C6orf89: variants seen among roughly 807,000 people sequenced by gnomAD.
C6orf89 encodes chromosome 6 open reading frame 89.
C6orf89 carries 29 observed loss-of-function variants against 40.7 expected under a neutral mutation model. The ratio of observed to expected loss-of-function variants is 0.71; its 90% confidence interval spans 0.53 to 0.97. The LOEUF is 0.97. C6orf89 is among the 50% of genes least tolerant of loss of function. The probability of loss-of-function intolerance (pLI) is 0.00; values close to 1 mark genes in which losing one functional copy is unlikely to be tolerated. For missense variants in C6orf89, 392 were observed against 429.1 expected, an observed-to-expected ratio of 0.91 and a Z score of 0.76; for synonymous variants, 165 against 152.2, an observed-to-expected ratio of 1.08 and a Z score of -0.62.
chr6:36,914,874 C>T (rs188252377), intron 6 of C6orf89, among the ~76,000 whole-genome samples, 181 bp downstream of exon 6: 3 of 152,326 alleles, frequency 2.0e-5, no homozygotes, highest in African/African-American at 7.2e-5. Context: ...CCTGTAATCC[C>T]AGCTACTCTG....
chr6:36,900,892 G>A (rs1248281643), intron 3 of C6orf89, among the ~76,000 whole-genome samples: 1 of 151,764 alleles, frequency 6.6e-6, no homozygotes, highest in Non-Finnish European at 1.5e-5. Context: ...TGTTGCCCAG[G>A]CTGGAGTGCA....
intron 4 of C6orf89, among the ~76,000 whole-genome samples, chr6:36,911,971 A>G (rs1762144629): frequency 1.5e-5 from 2 of 133,814 alleles, no homozygotes; most frequent in South Asian, 2.6e-4. Flanking sequence ...GGGCAAAACC[A>G]AAATATAACC....
Position 36,916,564 on chromosome 6 carries a change from T to G in C6orf89, c.815T>G (p.Val272Gly). 1 of 1,614,148 alleles carries G rather than the reference T, an allele frequency of 6.2e-7. No homozygotes were observed. The highest frequency in any genetic ancestry group is 1.7e-5 in the Admixed American group (1 of 60,022). The change falls in exon 7 of 9, where the codon GTG becomes GGG. Residue 272 changes from valine to glycine, a missense_variant. Transcript: ENST00000480824. ...TCCTTTCTTCACCCAGAACCTGTTG[T>G]GGGGAGTAAGGTAGGAAATTTTGAG... ...KCSFLHPEPV[V>G]GSKMHKMPDL...
chr6:36,917,122 A>G (rs1762351134), intron 7 of C6orf89, among the ~76,000 whole-genome samples: 1 of 152,224 alleles, frequency 6.6e-6, no homozygotes, highest in African/African-American at 2.4e-5. Flanking sequence ...CATTTTGTGG[A>G]TAAGGAAACT....
chr6:36,906,553 T>A (rs1761933349), intron 4 of C6orf89, among the ~76,000 whole-genome samples: 1 of 152,232 alleles, frequency 6.6e-6, no homozygotes, highest in African/African-American at 2.4e-5. Flanking sequence ...GAAACAAATT[T>A]TTGTACAAGT....
At chr6:36,903,438 A>G (rs548490316) in intron 4 of C6orf89, among the ~76,000 whole-genome samples, 28 of 152,250 alleles carry the variant, frequency 1.8e-4, no homozygotes, top group African/African-American at 6.3e-4. Context: ...GAAAAAATGT[A>G]TTTAAGCTTT....
Position 36,920,565 on chromosome 6 carries a change from G to C in C6orf89, c.949+864G>C, listed in dbSNP as rs146210396. On this transcript the variant is annotated intron_variant, in intron 8 of 8. Transcript: ENST00000480824. ...CCTAGAAACCTTGCATCTCATATGA[G>C]GGTAGGAATTGGACTGCAAGCTATG... 9.0e-3 allele frequency among the ~76,000 whole-genome samples: 1,376 copies of C among 152,240 alleles called. 23 individuals are homozygous for C. The highest frequency in any genetic ancestry group is 0.029 in the African/African-American group (1,202 of 41,512).
In C6orf89 at chr6:36,904,198, G is replaced by A. The variant is rs117676181; in HGVS notation, c.403+1764G>A. Among the ~76,000 whole-genome samples the A allele has an allele frequency of 6.8e-4, 104 of 152,338 alleles. 3 individuals are homozygous for A. The East Asian group carries it at 0.018, about 26-fold the overall frequency. ...ATAAAGTAAATCTCCATACACGGTT[G>A]AACTGAGAAATGGGGCATCGTCAAT... On this transcript the variant is annotated intron_variant, in intron 4 of 8. Transcript: ENST00000480824.
At chr6:36,887,550 T>C (rs888530664) in intron 1 of C6orf89, among the ~76,000 whole-genome samples, 4 of 152,300 alleles carry the variant, frequency 2.6e-5, no homozygotes, top group East Asian at 3.9e-4. Flanking sequence ...AGTTCACTTA[T>C]TGGACAAAGC....
rs1311052299 is a variant in C6orf89 at position 36,927,403 on chromosome 6, A to C, written c.*3962A>C. The C allele has an allele frequency of 6.6e-6, 1 of 152,258 alleles. No homozygotes were observed. The highest frequency in any genetic ancestry group is 1.5e-5 in the Non-Finnish European group (1 of 68,046). 9.4% of individuals were successfully genotyped at this position (152,258 alleles called of 1,614,324 possible). A position where few individuals can be genotyped will look rare whatever the true frequency, so the allele number is the denominator to read the frequency against. On this transcript the variant is annotated 3_prime_UTR_variant, in exon 9 of 9. Coordinates refer to ENST00000480824, the MANE Select transcript of C6orf89 (RefSeq NM_001286635.2). ...AGCAAATGTTTGCATCTCCTTGTCC[A>C]TAAAGGAGAAAGCCAGGTTATAGGA...
At chr6:36,882,054 C>CA (rs149465808), upstream of C6orf89, among the ~76,000 whole-genome samples, 3,490 of 149,652 alleles carry the variant, frequency 0.023, 214 homozygotes, top group East Asian at 0.26. Context: ...AAATAAACAA[C>CA]AAAAAAAAAT....
intron 4 of C6orf89, among the ~76,000 whole-genome samples, chr6:36,912,827 C>G (rs889488045): frequency 3.3e-5 from 5 of 152,216 alleles, no homozygotes; most frequent in African/African-American, 1.2e-4. Flanking sequence ...ATTTCCTATG[C>G]CCCACTACTA....
Position 36,926,894 on chromosome 6 carries a change from A to G in C6orf89, c.*3453A>G, listed in dbSNP as rs1762698302. On this transcript the variant is annotated 3_prime_UTR_variant, in exon 9 of 9. Transcript: ENST00000480824. The stretch of plus-strand genomic sequence containing the variant: ...ACAGCTGTGGATGTCGTTGACTCAG[A>G]TGTGCCTCCGTTGGGGTGGGAGAAC... 6.6e-6 allele frequency: 1 copy of G among 152,230 alleles called. No homozygotes were observed. Among genetic ancestry groups the G allele is most frequent in the African/African-American group, 2.4e-5 (1 of 41,462 alleles). 9.4% of individuals were successfully genotyped at this position (152,230 alleles called of 1,614,324 possible).
In C6orf89 at chr6:36,928,925, G is replaced by A. The variant is rs1762772312; in HGVS notation, c.*5484G>A. On this transcript the variant is annotated 3_prime_UTR_variant, in exon 9 of 9. Transcript: ENST00000480824. Reference sequence around the variant, plus strand: ...TAAATTAAAGTTTATTGTAATGAAGGTTTTTACTTTTTGCAATTAAAAGTG... The same window carrying A: ...TAAATTAAAGTTTATTGTAATGAAGATTTTTACTTTTTGCAATTAAAAGTG... The A allele has an allele frequency of 6.6e-6, 1 of 152,184 alleles. No individual in the cohort carries two copies. The highest frequency in any genetic ancestry group is 1.5e-5 in the Non-Finnish European group (1 of 68,036). 9.4% of individuals were successfully genotyped at this position (152,184 alleles called of 1,614,324 possible). A position where few individuals can be genotyped will look rare whatever the true frequency, so the allele number is the denominator to read the frequency against.
chr6:36,897,349 C>CA (rs1202171140), intron 2 of C6orf89, among the ~76,000 whole-genome samples: 7 of 152,086 alleles, frequency 4.6e-5, no homozygotes, highest in South Asian at 4.1e-4. Flanking sequence ...CCTGTTTATA[C>CA]AAAAAATCAT....
chr6:36,917,739 T>C (rs1212041408), intron 7 of C6orf89, among the ~76,000 whole-genome samples: 1 of 152,198 alleles, frequency 6.6e-6, no homozygotes, highest in African/African-American at 2.4e-5. Context: ...AAGTTTATCC[T>C]GCTGTCGCCG....
chr6:36,879,091 C>A, exon 2 of C6orf89: 1 of 153,928 alleles, frequency 6.5e-6, no homozygotes, highest in East Asian at 1.9e-4. Context: ...CTGCAGGATC[C>A]ACTTGTGTCT....
chr6:36,897,578 A>G (rs1761485874), intron 2 of C6orf89, among the ~76,000 whole-genome samples: 1 of 152,212 alleles, frequency 6.6e-6, no homozygotes, highest in African/African-American at 2.4e-5. Context: ...TCTAGATTGC[A>G]TGCCTTTTAA....
chr6:36,919,158 C>A (rs1333124187), intron 7 of C6orf89, among the ~76,000 whole-genome samples: 1 of 152,248 alleles, frequency 6.6e-6, no homozygotes, highest in African/African-American at 2.4e-5. Context: ...TTGTATACTT[C>A]AGCCACCATG....
Sources: gnomAD v4.1 joint callset for allele counts (sites outside exome capture counted in the v4.1 genomes callset) on GRCh38, gnomAD v4.1.1 for gene constraint, MANE v1.5 for transcripts, NCBI Gene and HGNC (gene_info 2026-07-23, HGNC 2026-07-21) for gene names.